The following FHIT variants were observed in gnomAD, a reference collection of about 807,000 sequenced individuals.
FHIT encodes fragile histidine triad diadenosine triphosphatase.
A neutral mutation model predicts 17.9 loss-of-function variants in FHIT; 19 were observed. The observed-to-expected ratio is 1.06, with a 90% CI of 0.74 to 1.56. FHIT has a LOEUF of 1.56. Among genes scored for constraint, FHIT ranks in the 40% most tolerant of loss-of-function variants. The pLI, the probability that FHIT is intolerant of heterozygous loss-of-function variation, is 0.00. For synonymous variants in FHIT, 81 were observed against 69.7 expected (o/e 1.16, Z -0.81); for missense variants, 248 against 189.2 (o/e 1.31, Z -1.82).
intron 5 of FHIT, among the ~76,000 whole-genome samples, chr3:60,230,721 T>G (rs1704453872): frequency 6.6e-6 from 1 of 152,188 alleles, no homozygotes; most frequent in African/African-American, 2.4e-5. Context: ...TGTTTATTTG[T>G]GTTTTTGAGA....
At chr3:60,570,707 G>A (rs2037344731) in intron 4 of FHIT, among the ~76,000 whole-genome samples, 1 of 137,070 alleles carries the variant, frequency 7.3e-6, no homozygotes, top group South Asian at 2.3e-4. Context: ...TTCTTTGAAG[G>A]CAGAAACAAT....
At chr3:61,107,293 A>G (rs1235155444) in intron 2 of FHIT, among the ~76,000 whole-genome samples, 1 of 152,130 alleles carries the variant, frequency 6.6e-6, no homozygotes, top group African/African-American at 2.4e-5. Flanking sequence ...TTTGTCTCCA[A>G]TAACAGGATT....
intron 7 of FHIT, among the ~76,000 whole-genome samples, chr3:59,974,378 G>C (rs1257035647): frequency 6.6e-6 from 1 of 152,128 alleles, no homozygotes; most frequent in African/African-American, 2.4e-5. Context: ...TAAATGTGTT[G>C]GTTAGATGCT....
At chr3:61,201,420 C>A (rs1038934186) in intron 1 of FHIT, among the ~76,000 whole-genome samples, 1 of 152,214 alleles carries the variant, frequency 6.6e-6, no homozygotes, top group Non-Finnish European at 1.5e-5. Flanking sequence ...TAAGGTGCCT[C>A]TACAGTCACC....
intron 5 of FHIT, among the ~76,000 whole-genome samples, chr3:60,039,105 T>C (rs1046169307): frequency 1.3e-5 from 2 of 152,184 alleles, no homozygotes; most frequent in Non-Finnish European, 2.9e-5. Context: ...ATTTGAATAG[T>C]TAGGGGCATC....
intron 5 of FHIT, among the ~76,000 whole-genome samples, chr3:60,050,048 A>G (rs115570445): frequency 8.5e-4 from 130 of 152,314 alleles, no homozygotes; most frequent in Non-Finnish European, 1.6e-3. Context: ...GAAAGTGTAC[A>G]TATTAGCCAT....
intron 5 of FHIT, among the ~76,000 whole-genome samples, chr3:60,344,458 T>A (rs115635772): frequency 7.7e-4 from 118 of 152,318 alleles, no homozygotes; most frequent in African/African-American, 2.6e-3. Flanking sequence ...TGGAAACAGA[T>A]TGAGAAAAGT....
At chr3:60,362,968 C>T (rs1389220574) in intron 5 of FHIT, among the ~76,000 whole-genome samples, 1 of 152,130 alleles carries the variant, frequency 6.6e-6, no homozygotes, top group Non-Finnish European at 1.5e-5. Context: ...TTGGAAATGT[C>T]CTTTAATTTC....
intron 3 of FHIT, among the ~76,000 whole-genome samples, chr3:60,897,800 G>C (rs973285889): frequency 6.6e-6 from 1 of 152,050 alleles, no homozygotes; most frequent in Admixed American, 6.6e-5. Context: ...AATTACTAAA[G>C]AACACATTAC....
At chr3:60,773,836 A>G (rs1321856032) in intron 4 of FHIT, among the ~76,000 whole-genome samples, 1 of 152,238 alleles carries the variant, frequency 6.6e-6, no homozygotes, top group Non-Finnish European at 1.5e-5. Flanking sequence ...TACCAGTCTG[A>G]TTTCTGGCTT....
intron 5 of FHIT, among the ~76,000 whole-genome samples, chr3:60,030,244 G>A (rs1030618451): frequency 6.6e-6 from 1 of 152,102 alleles, no homozygotes; most frequent in African/African-American, 2.4e-5. Flanking sequence ...ATTCCATATG[G>A]ATAATGCGCA....
chr3:61,120,807 G>C (rs961755970), intron 2 of FHIT, among the ~76,000 whole-genome samples: 1 of 151,976 alleles, frequency 6.6e-6, no homozygotes, highest in Non-Finnish European at 1.5e-5. Context: ...TGAGCTAAAG[G>C]AGCATGTTCT....
intron 5 of FHIT, among the ~76,000 whole-genome samples, chr3:60,182,063 G>T (rs534060042): frequency 6.6e-6 from 1 of 152,132 alleles, no homozygotes; most frequent in Non-Finnish European, 1.5e-5. Flanking sequence ...AGGGGCAGAG[G>T]GTTTTCAGAA....
chr3:60,955,622 A>ATATATATACATG (rs1709106717), intron 3 of FHIT, among the ~76,000 whole-genome samples: 20 of 15,472 alleles, frequency 1.3e-3, no homozygotes, highest in Non-Finnish European at 3.7e-3. Context: ...ATATATATAT[A>ATATATATACATG]TATATATATA....
chr3:60,578,353 C>T (rs965293104), intron 4 of FHIT, among the ~76,000 whole-genome samples: 9 of 151,750 alleles, frequency 5.9e-5, no homozygotes, highest in Admixed American at 5.9e-4. Context: ...AGGAGAATCA[C>T]TTGAACCTGG....
chr3:61,224,580 T>A (rs190683174), intron 1 of FHIT, among the ~76,000 whole-genome samples: 1 of 152,260 alleles, frequency 6.6e-6, no homozygotes, highest in African/African-American at 2.4e-5. Flanking sequence ...CAGCTAATTT[T>A]TTTATTTTTA....
chr3:60,957,196 A>G (rs1006241124), intron 3 of FHIT, among the ~76,000 whole-genome samples: 13 of 138,836 alleles, frequency 9.4e-5, no homozygotes, highest in Non-Finnish European at 1.6e-4. Flanking sequence ...AACTAGAGCC[A>G]GAAAAACACA....
intron 2 of FHIT, among the ~76,000 whole-genome samples, chr3:61,198,435 T>G (rs1467741176): frequency 6.6e-6 from 1 of 151,892 alleles, no homozygotes; most frequent in Non-Finnish European, 1.5e-5. Flanking sequence ...GGCCCCTGAG[T>G]AGGGCCCCTG....
chr3:60,253,958 T>C (rs997379360), intron 5 of FHIT, among the ~76,000 whole-genome samples: 4 of 152,200 alleles, frequency 2.6e-5, no homozygotes, highest in Admixed American at 2.6e-4. Flanking sequence ...CTTTACAACA[T>C]TGTATTTCAA....
Sources: gnomAD v4.1 joint callset for allele counts (sites outside exome capture counted in the v4.1 genomes callset) on GRCh38, gnomAD v4.1.1 for gene constraint, MANE v1.5 for transcripts, NCBI Gene and HGNC (gene_info 2026-07-23, HGNC 2026-07-21) for gene names.